SRI: variants seen among roughly 807,000 people sequenced by gnomAD.
SRI encodes the protein sorcin.
In SRI, 30 loss-of-function variants were observed where a neutral mutation model predicts 33.3. The ratio of observed to expected loss-of-function variants is 0.90; its 90% CI spans 0.67 to 1.22. SRI has a LOEUF of 1.22. SRI is among the 50% of genes most tolerant of loss of function. SRI has a pLI of 0.00. For synonymous variants in SRI, 75 were observed against 89.9 expected (o/e 0.83, Z 0.94); for missense variants, 243 against 250.8 (o/e 0.97, Z 0.21).
upstream of SRI, among the ~76,000 whole-genome samples, chr7:88,224,169 C>T (rs908450042): frequency 6.6e-6 from 1 of 152,216 alleles, no homozygotes; most frequent in African/African-American, 2.4e-5. Flanking sequence ...AAAGCTGTGA[C>T]AGTAGATAAA....
intron 1 of SRI, 139 bp downstream of exon 1, chr7:88,219,837 G>T: frequency 9.5e-7 from 1 of 1,056,100 alleles, no homozygotes; most frequent in Non-Finnish European, 1.3e-6. Flanking sequence ...GAGGCCGCGA[G>T]CGCAGGGAGA....
intron 1 of SRI, chr7:88,219,537 G>GTTTT (rs529955240): frequency 0.01 from 1,896 of 185,654 alleles, 43 homozygotes; most frequent in African/African-American, 0.041. Context: ...CTTCTCACTC[G>GTTTT]TTTTTTGTTT....
rs1851745220 is a variant in SRI at position 88,217,138 on chromosome 7, A to G, written c.189T>C (p.Ile63=). The change falls in exon 3 of 8, where the codon ATT becomes ATC. Residue 63 remains isoleucine, a synonymous_variant. Coordinates refer to ENST00000265729, the MANE Select transcript of SRI (RefSeq NM_003130.4). ...TCAACTTACGTTTGTATCCTCCAGC[A>G]ATGCCAGACTGTGTCAGACATCTCT... ...ELQRCLTQSG[I]AGGYKPFNLE... is the part of the protein sequence containing the mutation. The G allele has an allele frequency of 6.2e-7, 1 of 1,613,668 alleles. No individual in the cohort carries two copies. The highest frequency in any genetic ancestry group is 1.7e-5 in the Admixed American group (1 of 60,026).
At chr7:88,211,687 A>T (rs1162937464) in intron 3 of SRI, among the ~76,000 whole-genome samples, 1 of 152,076 alleles carries the variant, frequency 6.6e-6, no homozygotes, top group Non-Finnish European at 1.5e-5. Context: ...CTGAGCAGTA[A>T]CCTCCTACCT....
In SRI at chr7:88,218,947, G is replaced by C; in HGVS notation, c.52-5C>G. 6.2e-7 allele frequency: 1 copy of C among 1,612,618 alleles called. No homozygotes were observed. The highest frequency in any genetic ancestry group is 8.5e-7 in the Non-Finnish European group (1 of 1,178,758). ...CCCTCCGGGAGCCCCTCCATACTGT[G>C]AAACAGGAAACACATACACGTCATT... On this transcript the variant is annotated splice_region_variant and splice_polypyrimidine_tract_variant and intron_variant, in intron 1 of 7. Transcript: ENST00000265729.
At chr7:88,222,014 G>T (rs1033490318), upstream of SRI, among the ~76,000 whole-genome samples, 5 of 143,320 alleles carry the variant, frequency 3.5e-5, no homozygotes, top group African/African-American at 1.1e-4. Context: ...CAAAGGACAT[G>T]AACTCATCAT....
At chr7:88,211,401 G>C (rs1358364626) in intron 3 of SRI, among the ~76,000 whole-genome samples, 4 of 152,030 alleles carry the variant, frequency 2.6e-5, no homozygotes, top group Admixed American at 6.6e-5. Context: ...GTTACAGTGA[G>C]CTGAGATCAT....
rs114072969 is a variant in SRI at position 88,211,508 on chromosome 7, T to G, written c.206-583A>C. On this transcript the variant is annotated intron_variant, in intron 3 of 7. Coordinates refer to ENST00000265729, the MANE Select transcript of SRI (RefSeq NM_003130.4). Reference sequence around the variant, plus strand: ...TTCATACTTTCTTGCTTTGAAACTGTAATATAGCGAGTTCAAGTCACCATA... The same window carrying G: ...TTCATACTTTCTTGCTTTGAAACTGGAATATAGCGAGTTCAAGTCACCATA... Among the ~76,000 whole-genome samples, 436 of 152,262 alleles carry G rather than the reference T, an allele frequency of 2.9e-3. 2 individuals carry two copies. The highest frequency in any genetic ancestry group is 0.01 in the African/African-American group (422 of 41,558).
chr7:88,214,078 A>G (rs1440570812), intron 3 of SRI, among the ~76,000 whole-genome samples: 2 of 152,192 alleles, frequency 1.3e-5, no homozygotes, highest in Non-Finnish European at 2.9e-5. Flanking sequence ...CTGAATTATA[A>G]TGGAGGGGCC....
chr7:88,224,042 A>G (rs976391933), upstream of SRI, among the ~76,000 whole-genome samples: 15 of 152,198 alleles, frequency 9.9e-5, no homozygotes, highest in African/African-American at 3.4e-4. Context: ...TTCTGATCAT[A>G]TACTCCAATC....
rs759104159 is a variant in SRI at position 88,209,331 on chromosome 7, G to C, written c.511+8C>G. ...CTTGTGGTGATGACACGACCTTATA[G>C]AACTCACCTGTAAGAGCCCTCAGTT... is the stretch of plus-strand genomic sequence containing the variant. On this transcript the variant is annotated splice_region_variant and intron_variant, in intron 6 of 7. Coordinates refer to ENST00000265729, the MANE Select transcript of SRI (RefSeq NM_003130.4). 3.7e-6 allele frequency: 6 copies of C among 1,609,332 alleles called. No individual in the cohort carries two copies. The highest frequency in any genetic ancestry group is 1.7e-5 in the Admixed American group (1 of 60,006).
intron 3 of SRI, among the ~76,000 whole-genome samples, chr7:88,216,134 T>C (rs922401902): frequency 8.5e-5 from 13 of 152,192 alleles, no homozygotes; most frequent in African/African-American, 1.2e-4. Flanking sequence ...CATGCCACCA[T>C]GCCTGGCTAA....
intron 7 of SRI, 176 bp downstream of exon 7, chr7:88,208,331 G>C (rs903461938): frequency 5.0e-6 from 7 of 1,398,284 alleles, no homozygotes; most frequent in Non-Finnish European, 6.5e-6. Flanking sequence ...TCTCACTATA[G>C]TTAAGACTAA....
At chr7:88,222,420 G>A (rs43106), upstream of SRI, among the ~76,000 whole-genome samples, 29,864 of 148,722 alleles carry the variant, frequency 0.2, 4,220 homozygotes, top group East Asian at 0.74. Flanking sequence ...GTTTTGATTT[G>A]CATTTCTCTG....
At chr7:88,225,413 A>G (rs1563480553) in intron 1 of SRI, among the ~76,000 whole-genome samples, 1 of 152,234 alleles carries the variant, frequency 6.6e-6, no homozygotes, top group Non-Finnish European at 1.5e-5. Flanking sequence ...TGAGTTCCCC[A>G]TCACTAGAAG....
Position 88,218,922 on chromosome 7 carries a change from C to G in SRI, c.72G>C (p.Gly24=), listed in dbSNP as rs43098. 6.2e-7 allele frequency: 1 copy of G among 1,614,010 alleles called. No homozygotes were observed. Among genetic ancestry groups the G allele is most frequent in the Non-Finnish European group, 8.5e-7 (1 of 1,179,940 alleles). The change falls in exon 2 of 8, where the codon GGG becomes GGC. Residue 24 remains glycine, a synonymous_variant. Coordinates refer to ENST00000265729, the MANE Select transcript of SRI (RefSeq NM_003130.4). ...CCTGAGTTTGTCCGGGAAACGCAGG[C>G]CCTCCGGGAGCCCCTCCATACTGTG... The part of the protein sequence containing the change: ...YPGGYGGAPG[G]PAFPGQTQDP...
At chr7:88,223,322 A>AT (rs1245890567), upstream of SRI, among the ~76,000 whole-genome samples, 1 of 152,174 alleles carries the variant, frequency 6.6e-6, no homozygotes, top group Non-Finnish European at 1.5e-5. Context: ...TACTATTGTC[A>AT]TTCCTATTAT....
intron 3 of SRI, chr7:88,216,838 A>C (rs1298463601): frequency 6.6e-6 from 3 of 454,586 alleles, no homozygotes; most frequent in Non-Finnish European, 1.2e-5. Context: ...GCAGTGGTAC[A>C]ATCATAGATT....
At chr7:88,208,616 A>T (rs776680199) in intron 6 of SRI, 51 bp from the exon 7 acceptor site, 1 of 1,605,500 alleles carries the variant, frequency 6.2e-7, no homozygotes. Context: ...TGGTTTTTCT[A>T]AAATCATAAA....
Sources: gnomAD v4.1 joint callset for allele counts (sites outside exome capture counted in the v4.1 genomes callset) on GRCh38, gnomAD v4.1.1 for gene constraint, MANE v1.5 for transcripts, NCBI Gene and HGNC (gene_info 2026-07-23, HGNC 2026-07-21) for gene names.